Variants in PIGU observed in about 807,000 individuals in gnomAD.
PIGU encodes GPI-anchor transamidase component PIGU.
In PIGU, 24 loss-of-function variants were observed where a neutral mutation model predicts 49.9. The ratio of observed to expected loss-of-function variants is 0.48; its 90% CI spans 0.35 to 0.68. The LOEUF (loss-of-function observed/expected upper bound fraction) is 0.68, where lower values mean the gene tolerates loss of function less well. Among genes scored for constraint, PIGU ranks in the 30% least tolerant of loss-of-function variants. The probability of loss-of-function intolerance (pLI) is 0.01; values close to 1 mark genes in which losing one functional copy is unlikely to be tolerated. For missense variants in PIGU, 490 were observed against 532.6 expected (o/e 0.92, Z 0.79); for synonymous variants, 220 against 205.7 (o/e 1.07, Z -0.59).
chr20:34,575,505 T>C (rs1008351712), intron 10 of PIGU, among the ~76,000 whole-genome samples: 2 of 152,136 alleles, frequency 1.3e-5, no homozygotes, highest in African/African-American at 2.4e-5. Context: ...AGACCAGCTA[T>C]AGTTAGAAAT....
chr20:34,605,535 A>G (rs1234749438), intron 7 of PIGU, among the ~76,000 whole-genome samples: 1 of 152,200 alleles, frequency 6.6e-6, no homozygotes, highest in Non-Finnish European at 1.5e-5. Flanking sequence ...ATCATAGCTA[A>G]TATCTATCAA....
At chr20:34,659,311 G>GC (rs1986849566) in intron 1 of PIGU, among the ~76,000 whole-genome samples, 3 of 140,140 alleles carry the variant, frequency 2.1e-5, no homozygotes, top group African/African-American at 5.5e-5. Context: ...GGGGGGGTCA[G>GC]CCCCCCGCCC....
intron 6 of PIGU, among the ~76,000 whole-genome samples, chr20:34,628,592 T>C (rs1985583688): frequency 6.6e-6 from 1 of 152,196 alleles, no homozygotes; most frequent in Non-Finnish European, 1.5e-5. Flanking sequence ...GGCTCACACC[T>C]GTAACCCCAG....
intron 6 of PIGU, among the ~76,000 whole-genome samples, chr20:34,620,667 C>T (rs1359742153): frequency 2.0e-5 from 3 of 151,626 alleles, no homozygotes; most frequent in African/African-American, 4.8e-5. Context: ...AAAAATTAGC[C>T]GGGCATGGTG....
chr20:34,564,240 G>A (rs561930766), intron 11 of PIGU, among the ~76,000 whole-genome samples: 1 of 152,160 alleles, frequency 6.6e-6, no homozygotes, highest in Non-Finnish European at 1.5e-5. Context: ...TCTTAGTTTT[G>A]ACAAACACAT....
chr20:34,588,395 T>C (rs1983787068), intron 8 of PIGU, 58 bp downstream of exon 8: 3 of 1,491,972 alleles, frequency 2.0e-6, no homozygotes, highest in Non-Finnish European at 2.7e-6. Flanking sequence ...GACAACAGTA[T>C]ACAAGGGTTC....
chr20:34,619,598 C>G (rs924777295), intron 6 of PIGU, among the ~76,000 whole-genome samples: 1 of 152,214 alleles, frequency 6.6e-6, no homozygotes, highest in Non-Finnish European at 1.5e-5. Flanking sequence ...TGAAAACAAA[C>G]ACATGACTTT....
chr20:34,603,017 A>G (rs1262431126), intron 7 of PIGU, among the ~76,000 whole-genome samples: 1 of 149,428 alleles, frequency 6.7e-6, no homozygotes, highest in African/African-American at 2.4e-5. Flanking sequence ...CCTCCACTCC[A>G]GCCTACTCCT....
At chr20:34,628,754 G>A (rs1226386151) in intron 6 of PIGU, among the ~76,000 whole-genome samples, 4 of 152,080 alleles carry the variant, frequency 2.6e-5, no homozygotes, top group East Asian at 1.9e-4. Context: ...GAGAAGTTGA[G>A]GCACAAGAAT....
rs1449906238 is a variant in PIGU at position 34,655,811 on chromosome 20, G to A, written c.195+1369C>T. Among the ~76,000 whole-genome samples the A allele has an allele frequency of 1.6e-5, 2 of 121,278 alleles. 1 individual carries two copies. Among genetic ancestry groups the A allele is most frequent in the Non-Finnish European group, 3.5e-5 (2 of 56,722 alleles). The allele number at this position is 121,278 out of a possible 152,430, so 79.6% of individuals were successfully genotyped here. The stretch of plus-strand genomic sequence containing the variant: ...TGAATGGTGAACATTCAAAGGTGCC[G>A]AGCAAGACGGTGACAGAAACAGATT... On this transcript the variant is annotated intron_variant, in intron 2 of 11. Transcript: ENST00000217446.
intron 1 of PIGU, among the ~76,000 whole-genome samples, chr20:34,672,202 A>G (rs923198651): frequency 3.3e-5 from 5 of 152,200 alleles, no homozygotes; most frequent in South Asian, 2.1e-4. Flanking sequence ...CGGCCTCCCA[A>G]AGTGCTGGGA....
intron 1 of PIGU, among the ~76,000 whole-genome samples, chr20:34,658,848 T>A (rs1254680191): frequency 2.0e-5 from 3 of 149,648 alleles, no homozygotes; most frequent in Non-Finnish European, 4.4e-5. Context: ...AGCCACCCCG[T>A]CTGGGAAGTG....
chr20:34,598,995 C>G (rs1984306250), intron 7 of PIGU, among the ~76,000 whole-genome samples: 1 of 152,164 alleles, frequency 6.6e-6, no homozygotes, highest in African/African-American at 2.4e-5. Context: ...CAGGCACATG[C>G]TACCATGCCT....
intron 1 of PIGU, among the ~76,000 whole-genome samples, chr20:34,660,583 T>A (rs1986900636): frequency 6.6e-6 from 1 of 152,154 alleles, no homozygotes; most frequent in Non-Finnish European, 1.5e-5. Context: ...AAACTCCTTC[T>A]CAAAAAGCAA....
intron 2 of PIGU, among the ~76,000 whole-genome samples, chr20:34,656,740 TGG>T (rs1986716528): frequency 7.1e-6 from 1 of 140,328 alleles, no homozygotes; most frequent in Non-Finnish European, 1.5e-5. Context: ...CACTCTAGCC[TGG>T]GTGACAGAAT....
chr20:34,629,668 T>C (rs1985626831), intron 6 of PIGU, among the ~76,000 whole-genome samples: 1 of 152,238 alleles, frequency 6.6e-6, no homozygotes, highest in African/African-American at 2.4e-5. Context: ...GAATGGTTTA[T>C]TAACATTTTT....
intron 11 of PIGU, 52 bp from the exon 12 acceptor site, chr20:34,561,031 C>T (rs910599157): frequency 1.5e-6 from 2 of 1,326,894 alleles, no homozygotes; most frequent in Non-Finnish European, 2.1e-6. Flanking sequence ...CCCCTAAACC[C>T]AGGATCCCTG....
At chr20:34,566,078 TCACA>T (rs767994146) in intron 11 of PIGU, among the ~76,000 whole-genome samples, 2 of 150,332 alleles carry the variant, frequency 1.3e-5, no homozygotes, top group Admixed American at 6.6e-5. Context: ...CGCACTGCAC[TCACA>T]CACACACAGA....
chr20:34,658,840 C>T (rs1986808032), intron 1 of PIGU, among the ~76,000 whole-genome samples: 1 of 151,684 alleles, frequency 6.6e-6, no homozygotes, highest in African/African-American at 2.4e-5. Context: ...CGCCCGGCAG[C>T]CACCCCGTCT....
Sources: gnomAD v4.1 joint callset for allele counts (sites outside exome capture counted in the v4.1 genomes callset) on GRCh38, gnomAD v4.1.1 for gene constraint, MANE v1.5 for transcripts, NCBI Gene and HGNC (gene_info 2026-07-23, HGNC 2026-07-21) for gene names.